CEP41: variants seen among roughly 807,000 people sequenced by gnomAD.
CEP41 encodes centrosomal protein of 41 kDa.
A neutral mutation model predicts 44.3 loss-of-function variants in CEP41; 32 were observed. That is an observed-to-expected ratio of 0.72 (90% CI 0.54 to 0.97). The LOEUF is 0.97. Ranked by LOEUF, CEP41 falls within the 50% of genes least tolerant of loss-of-function variation. CEP41 has a pLI of 0.00. For synonymous variants in CEP41, 151 were observed against 168.5 expected (o/e 0.90, Z 0.80); for missense variants, 432 against 455.2 (o/e 0.95, Z 0.46).
intron 1 of CEP41, among the ~76,000 whole-genome samples, chr7:130,437,915 AT>A: frequency 6.6e-6 from 1 of 152,268 alleles, no homozygotes; most frequent in Admixed American, 6.5e-5. Flanking sequence ...TTAGACATAA[AT>A]TTTTAAAACT....
In CEP41 at chr7:130,394,688, C is replaced by T. The variant is rs1296806977; in HGVS notation, c.*4203G>A. ...CGAGCTTTCTGGGTCTCCAGAATGA[C>T]AGACTAGCACTGAGTGGCCACCACA... is the stretch of plus-strand genomic sequence containing the variant. On this transcript the variant is annotated 3_prime_UTR_variant, in exon 11 of 11. Coordinates refer to ENST00000223208, the MANE Select transcript of CEP41 (RefSeq NM_018718.3). The T allele has an allele frequency of 4.4e-6, 2 of 453,968 alleles. No homozygotes were observed. Among genetic ancestry groups the T allele is most frequent in the African/African-American group, 2.0e-5 (1 of 50,004 alleles). The allele number at this position is 453,968 out of a possible 1,614,324, so 28.1% of individuals were successfully genotyped here.
chr7:130,398,552 C>A lies in CEP41; in HGVS notation c.*339G>T. 2.1e-6 allele frequency: 1 copy of A among 473,426 alleles called. No homozygotes were observed. The highest frequency in any genetic ancestry group is 1.5e-5 in the South Asian group (1 of 64,638). The allele number at this position is 473,426 out of a possible 1,614,324, so 29.3% of individuals were successfully genotyped here. A position where few individuals can be genotyped will look rare whatever the true frequency, so the allele number is the denominator to read the frequency against. ...ATTTACAAAACAACACAGAGAGACC[C>A]AACAAGCTGGACCTTATTAAAAAAA... On this transcript the variant is annotated 3_prime_UTR_variant, in exon 11 of 11. Coordinates refer to ENST00000223208, the MANE Select transcript of CEP41 (RefSeq NM_018718.3).
chr7:130,399,092 ATC>A lies in CEP41; in HGVS notation c.974-55_974-54del, dbSNP rs1796763809. The A allele has an allele frequency of 3.2e-5, 52 of 1,603,868 alleles. No individual in the cohort carries two copies. In the South Asian group the frequency reaches 5.6e-4, roughly 17 times the overall value. ...AGCTGCAAGAATGATTCCAGGGACAATCTGCCAAGTACAGTTTTAAGCTAATG... is the reference window on the plus strand; with the variant it reads ...AGCTGCAAGAATGATTCCAGGGACAATGCCAAGTACAGTTTTAAGCTAATG... On this transcript the variant is annotated intron_variant, in intron 10 of 10. Coordinates refer to ENST00000223208, the MANE Select transcript of CEP41 (RefSeq NM_018718.3).
Position 130,398,705 on chromosome 7 carries a change from A to C in CEP41, c.*186T>G, listed in dbSNP as rs782052925. On this transcript the variant is annotated 3_prime_UTR_variant, in exon 11 of 11. Transcript: ENST00000223208. ...CCTCTGGTTTTTATGGTCACCTGTC[A>C]AAATCCTTCCTGAGGTGGCCTCCTG... The C allele has an allele frequency of 1.0e-5, 8 of 788,902 alleles. No homozygotes were observed. The highest frequency in any genetic ancestry group is 1.7e-5 in the African/African-American group (1 of 59,572). The allele number at this position is 788,902 out of a possible 1,614,324, so 48.9% of individuals were successfully genotyped here.
Position 130,398,975 on chromosome 7 carries a change from C to G in CEP41, c.1038G>C (p.Gln346His). The G allele has an allele frequency of 6.2e-7, 1 of 1,614,228 alleles. No homozygotes were observed. The highest frequency in any genetic ancestry group is 8.5e-7 in the Non-Finnish European group (1 of 1,180,054). ...ESKVPGARSA[Q>H]NLPGGGPASH... ...TGGCGGGGCCGCCACCTGGCAGATT[C>G]TGAGCGCTTCGGGCACCAGGCACCT... The change falls in exon 11 of 11, where the codon CAG becomes CAC. Residue 346 changes from glutamine (Q) to histidine (H), a missense_variant. Transcript: ENST00000223208.
At chr7:130,438,367 T>C (rs1798038271) in intron 1 of CEP41, among the ~76,000 whole-genome samples, 1 of 152,098 alleles carries the variant, frequency 6.6e-6, no homozygotes, top group African/African-American at 2.4e-5. Flanking sequence ...GAGACCAGAC[T>C]GGGCAACATG....
intron 1 of CEP41, among the ~76,000 whole-genome samples, chr7:130,429,253 G>A (rs1797757251): frequency 6.6e-6 from 1 of 152,214 alleles, no homozygotes. Flanking sequence ...CTCCAGGGAT[G>A]TCGACCATGG....
At chr7:130,427,324 AG>A (rs1166788215) in intron 2 of CEP41, among the ~76,000 whole-genome samples, 1 of 152,188 alleles carries the variant, frequency 6.6e-6, no homozygotes, top group African/African-American at 2.4e-5. Flanking sequence ...AAAATCCACT[AG>A]GGTCTGGGCA....
chr7:130,417,760 T>C (rs1452746282), intron 2 of CEP41, among the ~76,000 whole-genome samples: 2 of 152,242 alleles, frequency 1.3e-5, no homozygotes, highest in African/African-American at 4.8e-5. Flanking sequence ...CGCAGGAAGC[T>C]CTTTCTGTCA....
chr7:130,407,698 T>C (rs1554418497), intron 5 of CEP41, among the ~76,000 whole-genome samples: 1 of 152,144 alleles, frequency 6.6e-6, no homozygotes, highest in East Asian at 1.9e-4. Context: ...ACATAACAGA[T>C]GGTTTAAATG....
At chr7:130,437,526 C>A (rs535230147) in intron 1 of CEP41, among the ~76,000 whole-genome samples, 1 of 151,906 alleles carries the variant, frequency 6.6e-6, no homozygotes, top group East Asian at 1.9e-4. Flanking sequence ...GTAATCCTAG[C>A]ACTTTGGGAG....
chr7:130,423,969 T>A (rs2117657310), intron 2 of CEP41, among the ~76,000 whole-genome samples: 1 of 152,230 alleles, frequency 6.6e-6, no homozygotes, highest in Middle Eastern at 3.4e-3. Flanking sequence ...ATATGTCAAT[T>A]CTCCCCATGT....
chr7:130,414,729 T>A (rs1463312637), intron 3 of CEP41, among the ~76,000 whole-genome samples: 1 of 152,210 alleles, frequency 6.6e-6, no homozygotes, highest in African/African-American at 2.4e-5. Flanking sequence ...TTTGACATGA[T>A]TACTCAGAGA....
intron 6 of CEP41, among the ~76,000 whole-genome samples, chr7:130,403,584 T>C (rs1415549290): frequency 6.6e-6 from 1 of 152,236 alleles, no homozygotes; most frequent in Non-Finnish European, 1.5e-5. Flanking sequence ...CTTACTGGAA[T>C]AAGAAGATGG....
chr7:130,438,159 G>A (rs1458348666), intron 1 of CEP41, among the ~76,000 whole-genome samples: 3 of 152,098 alleles, frequency 2.0e-5, no homozygotes, highest in Non-Finnish European at 4.4e-5. Context: ...CACCCATCAC[G>A]CATCTCTCAA....
At chr7:130,412,545 C>T (rs1015650500) in intron 3 of CEP41, among the ~76,000 whole-genome samples, 28 of 152,168 alleles carry the variant, frequency 1.8e-4, no homozygotes, top group Admixed American at 1.7e-3. Context: ...GTCTCTACTT[C>T]GACCACATTG....
At chr7:130,433,390 G>A (rs1554425540) in intron 1 of CEP41, among the ~76,000 whole-genome samples, 2 of 151,986 alleles carry the variant, frequency 1.3e-5, no homozygotes, top group South Asian at 4.2e-4. Flanking sequence ...AGATAAGAGA[G>A]GTTGAAAATG....
chr7:130,418,266 G>T (rs1797394956), intron 2 of CEP41, among the ~76,000 whole-genome samples: 1 of 152,136 alleles, frequency 6.6e-6, no homozygotes, highest in East Asian at 1.9e-4. Flanking sequence ...TCTTAGAAGA[G>T]GCCCAAATAT....
In CEP41 at chr7:130,396,112, T is replaced by C; in HGVS notation, c.*2779A>G. On this transcript the variant is annotated 3_prime_UTR_variant, in exon 11 of 11. Transcript: ENST00000223208. The stretch of plus-strand genomic sequence containing the variant: ...TCCCTTCCTTTCTTTTTTTCTTTTC[T>C]CCCTTCCTTAAACACAAACCCCTTT... 2.2e-6 allele frequency: 1 copy of C among 454,080 alleles called. No individual in the cohort carries two copies. Among genetic ancestry groups the C allele is most frequent in the Non-Finnish European group, 4.4e-6 (1 of 226,790 alleles). The allele number at this position is 454,080 out of a possible 1,614,324, so 28.1% of individuals were successfully genotyped here.
Sources: allele counts gnomAD v4.1 joint callset (sites outside exome capture counted in the v4.1 genomes callset), GRCh38; gene constraint gnomAD v4.1.1; transcripts MANE v1.5; gene names NCBI Gene and HGNC (gene_info 2026-07-23, HGNC 2026-07-21).